Variants in OSBPL2 observed in about 807,000 individuals in gnomAD.
OSBPL2 encodes the protein oxysterol binding protein like 2.
OSBPL2 carries 18 observed loss-of-function variants against 58.4 expected under a neutral mutation model. The ratio of observed to expected loss-of-function variants is 0.31; its 90% CI spans 0.21 to 0.46. OSBPL2 has a LOEUF of 0.46. Ranked by LOEUF, OSBPL2 falls within the 20% of genes least tolerant of loss-of-function variation. OSBPL2 has a pLI of 1.00. For synonymous variants in OSBPL2, 221 were observed against 234.1 expected, an observed-to-expected ratio of 0.94 and a Z score of 0.51; for missense variants, 461 against 616.5, an observed-to-expected ratio of 0.75 and a Z score of 2.67.
intron 6 of OSBPL2, among the ~76,000 whole-genome samples, chr20:62,276,765 C>A (rs1443220983): frequency 6.6e-6 from 1 of 152,054 alleles, no homozygotes; most frequent in Non-Finnish European, 1.5e-5. Flanking sequence ...AAAGACTGGC[C>A]ACGAGAACCA....
At chr20:62,284,485 T>G in intron 10 of OSBPL2, 1 of 339,646 alleles carries the variant, frequency 2.9e-6, no homozygotes, top group Middle Eastern at 9.6e-4. Flanking sequence ...CAAGCAATCC[T>G]CCCTCCTTAG....
intron 4 of OSBPL2, among the ~76,000 whole-genome samples, chr20:62,266,180 G>C (rs1981644837): frequency 6.6e-6 from 1 of 152,118 alleles, no homozygotes; most frequent in Non-Finnish European, 1.5e-5. Context: ...AACATGAAGT[G>C]ATGTATATTG....
At chr20:62,257,538 A>G (rs981008760) in intron 2 of OSBPL2, among the ~76,000 whole-genome samples, 2 of 152,012 alleles carry the variant, frequency 1.3e-5, no homozygotes, top group Non-Finnish European at 2.9e-5. Flanking sequence ...TCTCTGCTGA[A>G]TCCCACACAG....
chr20:62,265,681 T>G (rs888968307), intron 4 of OSBPL2, among the ~76,000 whole-genome samples: 9 of 152,258 alleles, frequency 5.9e-5, no homozygotes, highest in Non-Finnish European at 1.3e-4. Flanking sequence ...TCTTTTAAAA[T>G]AAACCATTTG....
At chr20:62,268,049 A>ATTTTTTTTTTTTTT (rs149417240) in intron 4 of OSBPL2, among the ~76,000 whole-genome samples, 4 of 116,186 alleles carry the variant, frequency 3.4e-5, no homozygotes, top group East Asian at 2.6e-4. Context: ...TGCCCGGCTA[A>ATTTTTTTTTTTTTT]TTTTTTTTTT....
chr20:62,248,672 C>CTTTATTTATTTATTTA lies in OSBPL2; in HGVS notation c.-128-7369_-128-7354dup, dbSNP rs3078864. Among the ~76,000 whole-genome samples, 119 of 147,852 alleles carry CTTTATTTATTTATTTA rather than the reference C, an allele frequency of 8.0e-4. 2 individuals carry two copies. The highest frequency in any genetic ancestry group is 7.0e-3 in the Middle Eastern group (2 of 286). On this transcript the variant is annotated intron_variant, in intron 1 of 13. Transcript: ENST00000313733. ...CCAACTTCCTGAACTGTCAGATCTG[C>CTTTATTTATTTATTTA]TTTATTTATTTATTTATTTATTTAT... is the stretch of plus-strand genomic sequence containing the variant.
intron 11 of OSBPL2, 26 bp downstream of exon 11, chr20:62,286,737 T>G: frequency 6.3e-7 from 1 of 1,595,266 alleles, no homozygotes. Context: ...TGGCCTGACG[T>G]CTCTGCCTGC....
chr20:62,281,439 A>C, intron 8 of OSBPL2: 1 of 518,374 alleles, frequency 1.9e-6, no homozygotes, highest in Non-Finnish European at 3.5e-6. Flanking sequence ...GGTGCAGCGC[A>C]GTGGCCGTCC....
At chr20:62,253,556 T>G (rs977018414) in intron 1 of OSBPL2, among the ~76,000 whole-genome samples, 5 of 152,174 alleles carry the variant, frequency 3.3e-5, no homozygotes, top group Non-Finnish European at 7.3e-5. Context: ...CTGGGCAGTT[T>G]AGAATGAGCA....
intron 10 of OSBPL2, 33 bp downstream of exon 10, chr20:62,284,202 G>A (rs983651981): frequency 6.2e-7 from 1 of 1,613,784 alleles, no homozygotes; most frequent in Non-Finnish European, 8.5e-7. Context: ...GCAGAGCTGA[G>A]CCCTGGGTGC....
chr20:62,281,688 C>T (rs758066298), intron 8 of OSBPL2, 102 bp from the exon 9 acceptor site: 55 of 806,292 alleles, frequency 6.8e-5, no homozygotes, highest in Non-Finnish European at 1.0e-4. Context: ...AGTCACCCCC[C>T]GCCTGCCCCA....
chr20:62,277,327 GA>G (rs1982445203), intron 6 of OSBPL2, among the ~76,000 whole-genome samples: 2 of 152,400 alleles, frequency 1.3e-5, no homozygotes, highest in Admixed American at 1.3e-4. Context: ...CCTTGTGGGT[GA>G]AAGGAATGCA....
chr20:62,287,222 CAAATAA>C, intron 11 of OSBPL2, among the ~76,000 whole-genome samples: 1 of 151,854 alleles, frequency 6.6e-6, no homozygotes, highest in East Asian at 1.9e-4. Flanking sequence ...TGTTTTATGA[CAAATAA>C]AATATGTGAT....
intron 7 of OSBPL2, among the ~76,000 whole-genome samples, chr20:62,279,774 C>T (rs1982657977): frequency 1.3e-5 from 2 of 152,250 alleles, no homozygotes; most frequent in African/African-American, 4.8e-5. Context: ...TTGGGTTGCC[C>T]ATGGCGCCTG....
At chr20:62,272,421 C>T (rs947275563) in intron 5 of OSBPL2, among the ~76,000 whole-genome samples, 162 bp downstream of exon 5, 6 of 152,170 alleles carry the variant, frequency 3.9e-5, no homozygotes, top group Non-Finnish European at 7.3e-5. Context: ...GTCCTGTCAC[C>T]ACAGGTGTGT....
intron 8 of OSBPL2, 62 bp from the exon 9 acceptor site, chr20:62,281,728 G>C (rs1794396316): frequency 1.5e-6 from 2 of 1,299,448 alleles, no homozygotes. Flanking sequence ...TCCTGTTACA[G>C]AGTTACCCTT....
At chr20:62,291,477 C>T in intron 12 of OSBPL2, 2 of 559,842 alleles carry the variant, frequency 3.6e-6, no homozygotes, top group Non-Finnish European at 6.5e-6. Flanking sequence ...GCAGCACATG[C>T]AGCCCCCATG....
At chr20:62,261,603 C>T (rs902466391) in intron 3 of OSBPL2, among the ~76,000 whole-genome samples, 2 of 152,080 alleles carry the variant, frequency 1.3e-5, no homozygotes, top group African/African-American at 4.8e-5. Flanking sequence ...CTGCATTCCC[C>T]GTTTTCTAGC....
At chr20:62,273,239 C>T (rs1982180809) in intron 5 of OSBPL2, 70 bp from the exon 6 acceptor site, 1 of 1,257,018 alleles carries the variant, frequency 8.0e-7, no homozygotes. Flanking sequence ...CCGCCCTCCA[C>T]AAGAGGCCAT....
Sources: gnomAD v4.1 joint callset for allele counts (sites outside exome capture counted in the v4.1 genomes callset) on GRCh38, gnomAD v4.1.1 for gene constraint, MANE v1.5 for transcripts, NCBI Gene and HGNC (gene_info 2026-07-23, HGNC 2026-07-21) for gene names.